Variants in RGS7 observed in about 807,000 individuals in gnomAD.
RGS7 encodes regulator of G protein signaling 7.
RGS7 carries 27 observed loss-of-function variants against 81.1 expected under a neutral mutation model. That is an observed-to-expected ratio of 0.33 (90% CI 0.25 to 0.46). The LOEUF (loss-of-function observed/expected upper bound fraction) is 0.46. Ranked by LOEUF, RGS7 falls within the 20% of genes least tolerant of loss-of-function variation. RGS7 has a pLI of 1.00. For synonymous variants in RGS7, 208 were observed against 207.7 expected, an observed-to-expected ratio of 1.00 and a Z score of -0.01; for missense variants, 396 against 607.4, an observed-to-expected ratio of 0.65 and a Z score of 3.66.
intron 2 of RGS7, among the ~76,000 whole-genome samples, chr1:241,193,007 T>G (rs1023852779): frequency 1.3e-5 from 2 of 152,136 alleles, no homozygotes; most frequent in Non-Finnish European, 2.9e-5. Context: ...AAAACCTGTA[T>G]CCAAAGAACT....
chr1:240,973,295 G>C (rs1468677830), intron 4 of RGS7, among the ~76,000 whole-genome samples: 1 of 152,030 alleles, frequency 6.6e-6, no homozygotes, highest in Non-Finnish European at 1.5e-5. Context: ...GAGGAGGGCA[G>C]ATCACCTGAG....
intron 2 of RGS7, among the ~76,000 whole-genome samples, chr1:241,309,181 G>A (rs1198725522): frequency 6.6e-6 from 1 of 152,072 alleles, no homozygotes. Flanking sequence ...GAGGTCAGGA[G>A]TTCGAGACCA....
rs1225911094 is a variant in RGS7, at chr1:240,814,775, T to C, written c.786A>G (p.Ile262Met). 2 of 1,587,156 alleles carry C rather than the reference T, an allele frequency of 1.3e-6. No individual in the cohort carries two copies. Among genetic ancestry groups the C allele is most frequent in the Non-Finnish European group, 1.7e-6 (2 of 1,155,928 alleles). ...PPTEDELQQQ[I>M]KYWQIQLDRH... ...TATCTAACTGTATTTGCCAATATTT[T>C]ATCTGAAAAGAGGGTTAGAGAAGGA... The change falls in exon 12 of 19, where the codon ATA becomes ATG. Residue 262 changes from isoleucine (I) to methionine (M), a missense_variant and splice_region_variant. Physicochemically the swap from Ile to Met is conservative, Grantham distance 10. Coordinates refer to ENST00000440928, the MANE Select transcript of RGS7 (RefSeq NM_001364886.1).
At chr1:241,261,129 G>A (rs966598762) in intron 2 of RGS7, among the ~76,000 whole-genome samples, 7 of 151,956 alleles carry the variant, frequency 4.6e-5, no homozygotes, top group Admixed American at 4.6e-4. Flanking sequence ...ACAAAAGGCA[G>A]TGTTTTTAAC....
At chr1:240,937,860 T>G (rs1343733642) in intron 4 of RGS7, among the ~76,000 whole-genome samples, 1 of 152,184 alleles carries the variant, frequency 6.6e-6, no homozygotes. Flanking sequence ...CTATACAGTG[T>G]TCTAAATATG....
chr1:240,804,115 C>A (rs1688448786), intron 15 of RGS7, among the ~76,000 whole-genome samples: 1 of 152,112 alleles, frequency 6.6e-6, no homozygotes. Flanking sequence ...TCAAGAACTA[C>A]CACTTACAAA....
chr1:241,223,527 C>A (rs533740482), intron 2 of RGS7, among the ~76,000 whole-genome samples: 1 of 151,412 alleles, frequency 6.6e-6, no homozygotes, highest in African/African-American at 2.4e-5. Context: ...CTGGCAAGCA[C>A]GAATAAGTGG....
At chr1:240,873,816 A>G (rs1400351710) in intron 6 of RGS7, among the ~76,000 whole-genome samples, 1 of 152,228 alleles carries the variant, frequency 6.6e-6, no homozygotes, top group Non-Finnish European at 1.5e-5. Flanking sequence ...AATATTTTAA[A>G]ATTACCCAGC....
chr1:241,212,847 T>G (rs4400595), intron 2 of RGS7, among the ~76,000 whole-genome samples: 115,144 of 152,064 alleles, frequency 0.76, 44,179 homozygotes, highest in East Asian at 0.82. Flanking sequence ...GTCTCTTTCA[T>G]AAGCCACACC....
chr1:241,083,254 G>GAAACAAAACAAAACAAAACAAAACA (rs149562159), intron 3 of RGS7, among the ~76,000 whole-genome samples: 6 of 142,090 alleles, frequency 4.2e-5, no homozygotes, highest in African/African-American at 1.6e-4. Context: ...AAAAGAAAAA[G>GAAACAAAACAAAACAAAACAAAACA]AAACAAAACA....
intron 3 of RGS7, among the ~76,000 whole-genome samples, chr1:240,983,756 C>T (rs1270392651): frequency 1.3e-5 from 2 of 152,152 alleles, no homozygotes; most frequent in African/African-American, 2.4e-5. Context: ...CTTTTATTGT[C>T]GTGTTGATCA....
At chr1:240,833,441 G>A (rs1008040270) in intron 9 of RGS7, among the ~76,000 whole-genome samples, 14 of 152,308 alleles carry the variant, frequency 9.2e-5, no homozygotes, top group East Asian at 1.9e-4. Context: ...AGATAAGGGG[G>A]AGCTACTGTA....
chr1:241,121,252 C>G (rs757037684), intron 2 of RGS7, among the ~76,000 whole-genome samples: 1 of 152,154 alleles, frequency 6.6e-6, no homozygotes, highest in Non-Finnish European at 1.5e-5. Flanking sequence ...CTAACTTGCT[C>G]CAAATATCTC....
At position 241,355,432 on chromosome 1, in the gene RGS7, C is replaced by T. The variant is rs113825648; in HGVS notation, c.78+267G>A. On this transcript the variant is annotated intron_variant, in intron 2 of 18. Coordinates refer to ENST00000440928, the MANE Select transcript of RGS7 (RefSeq NM_001364886.1). ...TATAACAACCAAAATATCTGGAATG[C>T]CCAAACGTGCTGTCATTGCTCAGGA... Among the ~76,000 whole-genome samples, 534 of 152,294 alleles carry T rather than the reference C, an allele frequency of 3.5e-3. 5 individuals are homozygous for T. Among genetic ancestry groups the T allele is most frequent in the African/African-American group, 0.013 (521 of 41,556 alleles).
In RGS7 at chr1:241,008,001, A is replaced by T. The variant is rs141377704; in HGVS notation, c.176-24872T>A. On this transcript the variant is annotated intron_variant, in intron 3 of 18. Transcript: ENST00000440928. ...ATTGTTAAAAGAATGAGGACATTTA[A>T]AAGTCTTGAAGCGAAAATAAAGTTA... is the stretch of plus-strand genomic sequence containing the variant. 3.1e-4 allele frequency among the ~76,000 whole-genome samples: 47 copies of T among 152,330 alleles called. No individual in the cohort carries two copies. In the East Asian group the frequency reaches 7.1e-3, roughly 23 times the overall value.
intron 4 of RGS7, among the ~76,000 whole-genome samples, chr1:240,962,516 CTA>C (rs1248859489): frequency 6.6e-6 from 1 of 152,176 alleles, no homozygotes; most frequent in African/African-American, 2.4e-5. Context: ...ACAAAACCCA[CTA>C]GACAAGGTGC....
chr1:241,286,575 AG>A (rs575627956), intron 2 of RGS7, among the ~76,000 whole-genome samples: 1 of 152,166 alleles, frequency 6.6e-6, no homozygotes, highest in South Asian at 2.1e-4. Flanking sequence ...CATAACAAAG[AG>A]ATTATATCAA....
intron 3 of RGS7, among the ~76,000 whole-genome samples, chr1:241,098,174 T>C (rs1331435449): frequency 1.3e-5 from 2 of 152,198 alleles, no homozygotes; most frequent in Admixed American, 1.3e-4. Flanking sequence ...CAGACCCTCA[T>C]AACCTGACCC....
intron 2 of RGS7, among the ~76,000 whole-genome samples, chr1:241,137,479 T>C (rs937771323): frequency 5.9e-5 from 9 of 152,216 alleles, no homozygotes; most frequent in African/African-American, 2.2e-4. Context: ...CGCTTACTTG[T>C]GGTGTTTTAT....
Sources: gnomAD v4.1 joint callset for allele counts (sites outside exome capture counted in the v4.1 genomes callset) on GRCh38, gnomAD v4.1.1 for gene constraint, MANE v1.5 for transcripts, NCBI Gene and HGNC (gene_info 2026-07-23, HGNC 2026-07-21) for gene names.